RORA: variants seen among roughly 807,000 people sequenced by gnomAD.
RORA encodes the protein nuclear receptor ROR-alpha.
In RORA, 7 loss-of-function variants were observed where a neutral mutation model predicts 69.5. The observed-to-expected ratio is 0.10, with a 90% CI of 0.06 to 0.19. The LOEUF (loss-of-function observed/expected upper bound fraction) is 0.19, where lower values mean the gene tolerates loss of function less well. Among genes scored for constraint, RORA ranks in the 10% least tolerant of loss-of-function variants. The pLI is 1.00. For missense variants in RORA, 457 were observed against 663.0 expected, an observed-to-expected ratio of 0.69 and a Z score of 3.41; for synonymous variants, 261 against 240.8, an observed-to-expected ratio of 1.08 and a Z score of -0.78.
intron 1 of RORA, among the ~76,000 whole-genome samples, chr15:60,753,149 G>A (rs923758656): frequency 2.0e-5 from 3 of 152,212 alleles, no homozygotes; most frequent in Non-Finnish European, 2.9e-5. Flanking sequence ...TAGAGGTTCA[G>A]AACAGGGAGC....
At chr15:60,590,800 G>A (rs570982064) in intron 2 of RORA, among the ~76,000 whole-genome samples, 2 of 152,150 alleles carry the variant, frequency 1.3e-5, no homozygotes, top group South Asian at 2.1e-4. Flanking sequence ...CGCGGATCAC[G>A]GGAGGTTTCC....
intron 9 of RORA, 31 bp downstream of exon 9, chr15:60,500,928 A>G: frequency 7.7e-7 from 1 of 1,296,814 alleles, no homozygotes; most frequent in African/African-American, 1.5e-5. Context: ...ACAATTCGAA[A>G]ACCATTTTTA....
intron 1 of RORA, among the ~76,000 whole-genome samples, chr15:61,024,270 C>CTTTTTTTTTTTTTTTTTTTTTTTTT (rs34008494): frequency 1.3e-5 from 1 of 79,396 alleles, no homozygotes; most frequent in African/African-American, 5.0e-5. Flanking sequence ...TCTTGGATCT[C>CTTTTTTTTTTTTTTTTTTTTTTTTT]TTTTTTTTTT....
intron 1 of RORA, among the ~76,000 whole-genome samples, chr15:60,974,717 G>T (rs1893828226): frequency 6.6e-6 from 1 of 152,186 alleles, no homozygotes; most frequent in Non-Finnish European, 1.5e-5. Context: ...CAGATGAGTG[G>T]CAGCATCATA....
At chr15:60,604,946 G>C (rs2068911180) in intron 2 of RORA, among the ~76,000 whole-genome samples, 1 of 152,158 alleles carries the variant, frequency 6.6e-6, no homozygotes, top group South Asian at 2.1e-4. Context: ...AGTGGTTTAT[G>C]ACCTACCACT....
intron 1 of RORA, among the ~76,000 whole-genome samples, chr15:60,970,171 A>T (rs1893672986): frequency 6.6e-6 from 1 of 152,196 alleles, no homozygotes; most frequent in Admixed American, 6.5e-5. Flanking sequence ...GTAAGAAATA[A>T]ATGGCTGTTG....
At chr15:61,112,294 G>A (rs180897963) in intron 1 of RORA, among the ~76,000 whole-genome samples, 1 of 152,250 alleles carries the variant, frequency 6.6e-6, no homozygotes, top group Non-Finnish European at 1.5e-5. Flanking sequence ...ATGGACTGGG[G>A]GGCATGGGGC....
At chr15:60,639,123 T>C (rs1478675190) in intron 2 of RORA, among the ~76,000 whole-genome samples, 1 of 152,088 alleles carries the variant, frequency 6.6e-6, no homozygotes, top group Non-Finnish European at 1.5e-5. Flanking sequence ...TAGTAAGCAC[T>C]TGAAATACCT....
At chr15:61,056,173 T>C (rs980309615) in intron 1 of RORA, among the ~76,000 whole-genome samples, 1 of 152,188 alleles carries the variant, frequency 6.6e-6, no homozygotes, top group African/African-American at 2.4e-5. Context: ...ACATTGTCAA[T>C]AGTGAGCACC....
At chr15:61,145,735 T>C (rs2079339911) in intron 1 of RORA, among the ~76,000 whole-genome samples, 1 of 152,216 alleles carries the variant, frequency 6.6e-6, no homozygotes, top group Non-Finnish European at 1.5e-5. Flanking sequence ...GTGGAATCTC[T>C]GCCTCAGTCT....
At chr15:60,660,477 G>A (rs571445007) in intron 2 of RORA, among the ~76,000 whole-genome samples, 1 of 152,316 alleles carries the variant, frequency 6.6e-6, no homozygotes, top group South Asian at 2.1e-4. Context: ...TTCTTAGACC[G>A]TGGAGCAGCC....
chr15:60,500,118 A>C (rs778480488), intron 9 of RORA, 114 bp from the exon 10 acceptor site: 1 of 642,930 alleles, frequency 1.6e-6, no homozygotes, highest in Non-Finnish European at 2.6e-6. Flanking sequence ...TTAGAGACTC[A>C]GAGGCCAGTT....
At chr15:60,586,469 T>C (rs980613969) in intron 2 of RORA, among the ~76,000 whole-genome samples, 1 of 152,144 alleles carries the variant, frequency 6.6e-6, no homozygotes, top group African/African-American at 2.4e-5. Context: ...TGTGTGTGTG[T>C]GTGCGTGTGC....
chr15:61,078,583 G>A (rs895628242), intron 1 of RORA, among the ~76,000 whole-genome samples: 2 of 152,166 alleles, frequency 1.3e-5, no homozygotes, highest in African/African-American at 4.8e-5. Context: ...CTTTCACAGA[G>A]AGGAAAACCA....
Position 60,585,179 on chromosome 15 carries a change from A to C in RORA, c.197-53328T>G, listed in dbSNP as rs148707163. Reference sequence around the variant, plus strand: ...AACAAATAACATTTAAGCAAATAGGAAGATCTATATTCATTCCTCAGATTC... The same window carrying C: ...AACAAATAACATTTAAGCAAATAGGCAGATCTATATTCATTCCTCAGATTC... On this transcript the variant is annotated intron_variant, in intron 2 of 10. Coordinates refer to ENST00000335670, the MANE Select transcript of RORA (RefSeq NM_134261.3). Among the ~76,000 whole-genome samples the C allele has an allele frequency of 1.2e-4, 19 of 152,314 alleles. 1 individual carries two copies. In the East Asian group the frequency reaches 2.5e-3, roughly 20 times the overall value.
At chr15:60,879,566 C>G (rs76197097) in intron 1 of RORA, among the ~76,000 whole-genome samples, 9,980 of 152,160 alleles carry the variant, frequency 0.066, 538 homozygotes, top group East Asian at 0.24. Flanking sequence ...TAGAACTGTA[C>G]ATTTATATGA....
intron 1 of RORA, among the ~76,000 whole-genome samples, chr15:61,121,641 G>C (rs2079105565): frequency 6.6e-6 from 1 of 152,180 alleles, no homozygotes; most frequent in Non-Finnish European, 1.5e-5. Context: ...ACAAGACTCT[G>C]GGCATCGCTG....
intron 1 of RORA, among the ~76,000 whole-genome samples, chr15:60,955,200 G>C (rs1386069584): frequency 1.3e-5 from 2 of 152,188 alleles, no homozygotes; most frequent in Non-Finnish European, 2.9e-5. Context: ...TACTGGGGAG[G>C]CTGAGGCAGG....
rs577401596 is a variant in RORA at position 60,569,660 on chromosome 15, C to G, written c.197-37809G>C. Among the ~76,000 whole-genome samples the G allele has an allele frequency of 8.5e-5, 13 of 152,184 alleles. 2 individuals carry two copies. The South Asian group carries it at 2.5e-3, about 29-fold the overall frequency. Reference sequence around the variant, plus strand: ...AGTAAATAATGAGTAAATGAAATAGCAGTCACTCCCTTACAGTAACGACAG... The same window carrying G: ...AGTAAATAATGAGTAAATGAAATAGGAGTCACTCCCTTACAGTAACGACAG... On this transcript the variant is annotated intron_variant, in intron 2 of 10. Transcript: ENST00000335670.
Sources: gnomAD v4.1 joint callset for allele counts (sites outside exome capture counted in the v4.1 genomes callset) on GRCh38, gnomAD v4.1.1 for gene constraint, MANE v1.5 for transcripts, NCBI Gene and HGNC (gene_info 2026-07-23, HGNC 2026-07-21) for gene names.